EVI5: variants seen among roughly 807,000 people sequenced by gnomAD.
EVI5 encodes ecotropic viral integration site 5.
Under a neutral mutation model 112.0 loss-of-function variants are expected in EVI5, and 73 were observed. The observed-to-expected ratio is 0.65, with a 90% confidence interval of 0.54 to 0.79. The LOEUF is 0.79. Among genes scored for constraint, EVI5 ranks in the 30% least tolerant of loss-of-function variants. The pLI is 0.00. For synonymous variants in EVI5, 305 were observed against 319.9 expected (o/e 0.95, Z 0.50); for missense variants, 900 against 968.8 (o/e 0.93, Z 0.94).
chr1:92,747,733 A>AC (rs1340233856), intron 1 of EVI5, among the ~76,000 whole-genome samples: 1 of 150,584 alleles, frequency 6.6e-6, no homozygotes, highest in African/African-American at 2.4e-5. Context: ...AAAAACAAAA[A>AC]AAAAAACCAC....
At chr1:92,631,803 T>C (rs1365581176) in intron 14 of EVI5, among the ~76,000 whole-genome samples, 3 of 152,188 alleles carry the variant, frequency 2.0e-5, no homozygotes, top group Admixed American at 6.5e-5. Flanking sequence ...TTCAGTATGA[T>C]ATTGGCTGTG....
chr1:92,541,999 G>C (rs1664886568), intron 19 of EVI5, among the ~76,000 whole-genome samples: 1 of 152,180 alleles, frequency 6.6e-6, no homozygotes, highest in Admixed American at 6.5e-5. Context: ...TGAAGGTTGG[G>C]GTGGTTGTGG....
chr1:92,513,660 AC>A lies in EVI5; in HGVS notation c.2476del (p.Val826SerfsTer13). ...PRRRESYSTT[V>X] ...TAGTCTAGGTCACAGTGATGGTCAG[AC>A]AGTGGTTGAATACGACTCTCTTCTT... On this transcript the variant is annotated frameshift_variant, in exon 20 of 20. Coordinates refer to ENST00000684568, the MANE Select transcript of EVI5 (RefSeq NM_001350197.2). LOFTEE classifies it high-confidence loss of function. 1 of 1,599,618 alleles carries A rather than the reference AC, an allele frequency of 6.3e-7. No homozygotes were observed. Among genetic ancestry groups the A allele is most frequent in the Non-Finnish European group, 8.5e-7 (1 of 1,171,120 alleles).
At chr1:92,516,671 C>T (rs754867305) in intron 19 of EVI5, among the ~76,000 whole-genome samples, 24 of 152,282 alleles carry the variant, frequency 1.6e-4, no homozygotes, top group Middle Eastern at 3.4e-3. Context: ...GCTGCATGAA[C>T]TTCAGGTAGA....
intron 19 of EVI5, among the ~76,000 whole-genome samples, chr1:92,545,012 G>A (rs1246267672): frequency 6.6e-6 from 1 of 152,030 alleles, no homozygotes; most frequent in Non-Finnish European, 1.5e-5. Context: ...TGACTATCTC[G>A]TGTCCACCTG....
At chr1:92,541,063 G>C (rs973764834) in intron 19 of EVI5, among the ~76,000 whole-genome samples, 1 of 152,082 alleles carries the variant, frequency 6.6e-6, no homozygotes, top group African/African-American at 2.4e-5. Flanking sequence ...GACAGAGAAA[G>C]ACTCTGTCTC....
intron 9 of EVI5, among the ~76,000 whole-genome samples, chr1:92,692,697 A>G (rs1382494136): frequency 2.0e-5 from 3 of 152,194 alleles, no homozygotes; most frequent in African/African-American, 7.2e-5. Context: ...GGAAAAGCTA[A>G]CTAATTTTAA....
chr1:92,520,568 C>T (rs564691439), intron 19 of EVI5, among the ~76,000 whole-genome samples: 2 of 152,030 alleles, frequency 1.3e-5, no homozygotes, highest in East Asian at 1.9e-4. Context: ...CAAGAATTAG[C>T]GGCCAGGCAT....
rs200153848 is a variant in EVI5, at chr1:92,512,618, A to G, written c.*1038T>C. 2 of 152,262 alleles carry G rather than the reference A, an allele frequency of 1.3e-5. No homozygotes were observed. The highest frequency in any genetic ancestry group is 2.4e-5 in the African/African-American group (1 of 41,478). The allele number at this position is 152,262 out of a possible 1,614,324, so 9.4% of individuals were successfully genotyped here. A position where few individuals can be genotyped will look rare whatever the true frequency, so the allele number is the denominator to read the frequency against. ...GGTACAGATTTATAAATATGTACAA[A>G]CAAAACAGTATGTCTGTAGTTAACC... On this transcript the variant is annotated 3_prime_UTR_variant, in exon 20 of 20. Transcript: ENST00000684568.
intron 1 of EVI5, among the ~76,000 whole-genome samples, chr1:92,772,906 TAA>T (rs529315237): frequency 3.6e-5 from 4 of 109,700 alleles, no homozygotes; most frequent in Admixed American, 1.1e-4. Context: ...AACCCCATCT[TAA>T]AAAAAAAAAA....
At chr1:92,727,529 G>A (rs759302507) in intron 2 of EVI5, among the ~76,000 whole-genome samples, 9 of 151,884 alleles carry the variant, frequency 5.9e-5, no homozygotes, top group Admixed American at 2.0e-4. Flanking sequence ...TGCCGGCTGC[G>A]GTCACAGAAC....
At chr1:92,785,400 C>G (rs1685521430), upstream of EVI5, among the ~76,000 whole-genome samples, 2 of 152,236 alleles carry the variant, frequency 1.3e-5, no homozygotes, top group African/African-American at 2.4e-5. Flanking sequence ...CTTAGGACTG[C>G]AGGCCTCGCG....
At chr1:92,702,237 T>C in intron 4 of EVI5, 22 bp from the exon 5 acceptor site, 3 of 1,350,364 alleles carry the variant, frequency 2.2e-6, no homozygotes, top group South Asian at 1.3e-5. Flanking sequence ...AAAAAAGTTG[T>C]TCAAAATACA....
At chr1:92,667,319 A>C (rs927660337) in intron 10 of EVI5, among the ~76,000 whole-genome samples, 1 of 152,154 alleles carries the variant, frequency 6.6e-6, no homozygotes, top group Non-Finnish European at 1.5e-5. Context: ...TTTAGACTTC[A>C]ATAGTCTCCA....
chr1:92,779,165 G>A (rs1390164066), intron 1 of EVI5, among the ~76,000 whole-genome samples: 1 of 152,004 alleles, frequency 6.6e-6, no homozygotes, highest in Non-Finnish European at 1.5e-5. Flanking sequence ...TTCCGAGGAG[G>A]GCCTCTACTA....
chr1:92,664,744 A>G (rs992560767), intron 11 of EVI5, among the ~76,000 whole-genome samples: 4 of 152,354 alleles, frequency 2.6e-5, no homozygotes, highest in Middle Eastern at 3.4e-3. Flanking sequence ...ACGCACTTCT[A>G]TTTAATATGA....
At chr1:92,548,356 TAA>T (rs1175724458) in intron 19 of EVI5, among the ~76,000 whole-genome samples, 1 of 152,180 alleles carries the variant, frequency 6.6e-6, no homozygotes, top group African/African-American at 2.4e-5. Flanking sequence ...CTCAAAATAA[TAA>T]GAGCTATTTA....
chr1:92,606,878 T>TA (rs1394091103), intron 17 of EVI5, among the ~76,000 whole-genome samples: 11 of 140,000 alleles, frequency 7.9e-5, no homozygotes, highest in Admixed American at 3.8e-4. Flanking sequence ...GTCATCTCTT[T>TA]AGTTATTTCA....
chr1:92,672,860 C>T (rs1362981419), intron 10 of EVI5, among the ~76,000 whole-genome samples: 2 of 152,120 alleles, frequency 1.3e-5, no homozygotes, highest in Non-Finnish European at 2.9e-5. Context: ...ACAAATATAT[C>T]AAAGTCTCTC....
Sources: allele counts gnomAD v4.1 joint callset (sites outside exome capture counted in the v4.1 genomes callset), GRCh38; gene constraint gnomAD v4.1.1; transcripts MANE v1.5; gene names NCBI Gene and HGNC (gene_info 2026-07-23, HGNC 2026-07-21).